The following NEDD4L variants were observed in gnomAD, a reference collection of about 807,000 sequenced individuals.
NEDD4L encodes the protein E3 ubiquitin-protein ligase NEDD4-like.
In NEDD4L, 54 loss-of-function variants were observed where a neutral mutation model predicts 148.9. That is an observed-to-expected ratio of 0.36 (90% CI 0.29 to 0.45). The LOEUF (loss-of-function observed/expected upper bound fraction) is 0.45. Ranked by LOEUF, NEDD4L falls within the 20% of genes least tolerant of loss-of-function variation. The pLI, the probability that NEDD4L is intolerant of heterozygous loss-of-function variation, is 1.00. For synonymous variants in NEDD4L, 433 were observed against 440.7 expected (o/e 0.98, Z 0.22); for missense variants, 856 against 1,233.8 (o/e 0.69, Z 4.59).
At chr18:58,321,517 A>G (rs2058771177) in intron 6 of NEDD4L, among the ~76,000 whole-genome samples, 1 of 152,260 alleles carries the variant, frequency 6.6e-6, no homozygotes, top group Non-Finnish European at 1.5e-5. Flanking sequence ...TCTAAGTCAT[A>G]GGAAAGAATT....
At chr18:58,377,005 C>T (rs1483958316) in intron 24 of NEDD4L, among the ~76,000 whole-genome samples, 2 of 152,244 alleles carry the variant, frequency 1.3e-5, no homozygotes, top group Non-Finnish European at 2.9e-5. Flanking sequence ...TCTTCCATGC[C>T]TGCCCTGTGG....
At chr18:58,136,605 G>A (rs888830267) in intron 1 of NEDD4L, among the ~76,000 whole-genome samples, 3 of 152,196 alleles carry the variant, frequency 2.0e-5, no homozygotes, top group African/African-American at 7.2e-5. Flanking sequence ...GTAGTGAGAG[G>A]TTGATGGATT....
intron 1 of NEDD4L, among the ~76,000 whole-genome samples, chr18:58,115,557 C>T (rs1439255691): frequency 6.6e-6 from 1 of 152,082 alleles, no homozygotes; most frequent in South Asian, 2.1e-4. Context: ...TTCTAATTTC[C>T]AGAACTCTGG....
rs1471648583 is a variant in NEDD4L, at chr18:58,252,057, A to G, written c.297+3A>G. 3.8e-6 allele frequency: 6 copies of G among 1,580,798 alleles called. No individual in the cohort carries two copies. In the South Asian group the frequency reaches 6.6e-5, roughly 17 times the overall value. ...AAGTATTTGACGAAAATAGACTGGTAAGTGGATGCCTGTATTTGAATTTTG... is the reference window on the plus strand; with the variant it reads ...AAGTATTTGACGAAAATAGACTGGTGAGTGGATGCCTGTATTTGAATTTTG... On this transcript the variant is annotated splice_donor_region_variant and intron_variant, in intron 5 of 30. Coordinates refer to ENST00000400345, the MANE Select transcript of NEDD4L (RefSeq NM_001144967.3).
chr18:58,352,355 A>C (rs1463293752), intron 18 of NEDD4L, among the ~76,000 whole-genome samples: 3 of 152,180 alleles, frequency 2.0e-5, no homozygotes, highest in African/African-American at 7.2e-5. Context: ...TCCCATGAAA[A>C]ACAAAATAAT....
intron 2 of NEDD4L, among the ~76,000 whole-genome samples, chr18:58,171,447 A>G (rs1174946202): frequency 1.3e-5 from 2 of 151,490 alleles, no homozygotes; most frequent in East Asian, 3.9e-4. Context: ...TGCCCACCTC[A>G]TCACCCCAGC....
At chr18:58,326,877 A>G (rs2059355196) in intron 9 of NEDD4L, among the ~76,000 whole-genome samples, 1 of 152,234 alleles carries the variant, frequency 6.6e-6, no homozygotes, top group Non-Finnish European at 1.5e-5. Flanking sequence ...AACACTTCAT[A>G]CATTTTAAAA....
At chr18:58,274,568 G>C (rs79854896) in intron 5 of NEDD4L, among the ~76,000 whole-genome samples, 1 of 152,200 alleles carries the variant, frequency 6.6e-6, no homozygotes, top group Admixed American at 6.5e-5. Context: ...GTTGTCAGGA[G>C]TAGAATTATT....
intron 5 of NEDD4L, among the ~76,000 whole-genome samples, chr18:58,301,260 C>G (rs2056420981): frequency 2.0e-5 from 3 of 152,208 alleles, no homozygotes; most frequent in Admixed American, 2.0e-4. Flanking sequence ...TATTCACTGA[C>G]CCCTTCTCCT....
intron 2 of NEDD4L, among the ~76,000 whole-genome samples, chr18:58,200,821 A>G (rs1262059062): frequency 6.6e-6 from 1 of 152,234 alleles, no homozygotes; most frequent in East Asian, 1.9e-4. Flanking sequence ...ACAGAATGAG[A>G]TAATATAAAA....
At chr18:58,277,264 C>G (rs2052260673) in intron 5 of NEDD4L, among the ~76,000 whole-genome samples, 1 of 151,644 alleles carries the variant, frequency 6.6e-6, no homozygotes, top group Non-Finnish European at 1.5e-5. Context: ...AAAAAATGCT[C>G]TGCTGAAAAC....
In NEDD4L at chr18:58,266,065, CAT is replaced by C. The variant is rs1350587793; in HGVS notation, c.297+14014_297+14015del. Among the ~76,000 whole-genome samples the C allele has an allele frequency of 7.9e-5, 12 of 151,950 alleles. 1 individual carries two copies. The highest frequency in any genetic ancestry group is 1.6e-4 in the Non-Finnish European group (11 of 67,964). On this transcript the variant is annotated intron_variant, in intron 5 of 30. Transcript: ENST00000400345. Reference sequence around the variant, plus strand: ...ACATATGGTACATGTATTTAAATATCATATGTATTTAGATTTAGCAACAAAAA... The same window carrying C: ...ACATATGGTACATGTATTTAAATATCATGTATTTAGATTTAGCAACAAAAA...
chr18:58,278,845 A>G (rs986695258), intron 5 of NEDD4L, among the ~76,000 whole-genome samples: 3 of 152,160 alleles, frequency 2.0e-5, no homozygotes, highest in African/African-American at 7.2e-5. Context: ...ACACAGTTAT[A>G]TATTTGACTG....
intron 1 of NEDD4L, among the ~76,000 whole-genome samples, chr18:58,052,545 G>A (rs1231795337): frequency 6.6e-6 from 1 of 151,998 alleles, no homozygotes; most frequent in Non-Finnish European, 1.5e-5. Context: ...CAAATTCAGT[G>A]TTTGGTGACT....
At chr18:58,218,602 A>C (rs527794970) in intron 2 of NEDD4L, among the ~76,000 whole-genome samples, 1 of 152,126 alleles carries the variant, frequency 6.6e-6, no homozygotes, top group African/African-American at 2.4e-5. Context: ...TGCTTATTGC[A>C]TTCTGCCCAG....
chr18:58,204,800 T>C (rs550845221), intron 2 of NEDD4L, among the ~76,000 whole-genome samples: 9 of 152,134 alleles, frequency 5.9e-5, no homozygotes, highest in Admixed American at 2.0e-4. Flanking sequence ...AGGTCATCTA[T>C]GTGAATGTTT....
intron 24 of NEDD4L, among the ~76,000 whole-genome samples, chr18:58,379,014 C>T (rs1184730733): frequency 6.6e-6 from 1 of 152,214 alleles, no homozygotes; most frequent in Non-Finnish European, 1.5e-5. Flanking sequence ...CGAGCTCTTG[C>T]TGAGCGCCTG....
At chr18:58,195,505 T>C (rs1410693967) in intron 2 of NEDD4L, 1 of 1,344,586 alleles carries the variant, frequency 7.4e-7, no homozygotes, top group African/African-American at 1.5e-5. Context: ...GGTGGGTGGC[T>C]GCGCAGGGCC....
chr18:58,211,325 A>G (rs2042582059), intron 2 of NEDD4L, among the ~76,000 whole-genome samples: 1 of 152,234 alleles, frequency 6.6e-6, no homozygotes, highest in Non-Finnish European at 1.5e-5. Flanking sequence ...TAAAATCAAC[A>G]GAAACAATTG....
Sources: allele counts gnomAD v4.1 joint callset (sites outside exome capture counted in the v4.1 genomes callset), GRCh38; gene constraint gnomAD v4.1.1; transcripts MANE v1.5; gene names NCBI Gene and HGNC (gene_info 2026-07-23, HGNC 2026-07-21).